Variants in SELENOP observed in about 807,000 individuals in gnomAD.
The protein encoded by SELENOP is selenoprotein P.
In SELENOP, 36 loss-of-function variants were observed where a neutral mutation model predicts 41.0. The ratio of observed to expected loss-of-function variants is 0.88; its 90% CI spans 0.67 to 1.16. The LOEUF (loss-of-function observed/expected upper bound fraction) is 1.16, where lower values mean the gene tolerates loss of function less well. Among genes scored for constraint, SELENOP ranks in the 50% most tolerant of loss-of-function variants. SELENOP has a pLI of 0.00. For missense variants in SELENOP, 440 were observed against 454.2 expected, an observed-to-expected ratio of 0.97 and a Z score of 0.28; for synonymous variants, 144 against 150.8, an observed-to-expected ratio of 0.95 and a Z score of 0.33.
chr5:42,802,666 A>G (rs1760234843), intron 4 of SELENOP, among the ~76,000 whole-genome samples: 1 of 152,208 alleles, frequency 6.6e-6, no homozygotes, highest in Admixed American at 6.5e-5. Flanking sequence ...GCTGGAGTGC[A>G]GTGGCACGAC....
At position 42,800,599 on chromosome 5, in the gene SELENOP, T is replaced by G; in HGVS notation, c.*121A>C. 3.3e-6 allele frequency: 4 copies of G among 1,220,502 alleles called. No homozygotes were observed. Among genetic ancestry groups the G allele is most frequent in the Non-Finnish European group, 4.5e-6 (4 of 889,346 alleles). 75.6% of individuals were successfully genotyped at this position (1,220,502 alleles called of 1,614,324 possible). Reference sequence around the variant, plus strand: ...AAAATCTGGAAGCCAATTCAGTAGATTTCTCCATGTTTGCACAAATCTAAT... The same window carrying G: ...AAAATCTGGAAGCCAATTCAGTAGAGTTCTCCATGTTTGCACAAATCTAAT... On this transcript the variant is annotated 3_prime_UTR_variant, in exon 5 of 5. Coordinates refer to ENST00000514985, the MANE Select transcript of SELENOP (RefSeq NM_005410.4).
chr5:42,807,245 A>G (rs565341575), intron 2 of SELENOP, 137 bp from the exon 3 acceptor site: 3 of 482,928 alleles, frequency 6.2e-6, no homozygotes, highest in African/African-American at 3.8e-5. Flanking sequence ...CCTATTCTTT[A>G]TATTGCTGTA....
chr5:42,811,083 C>G (rs530931280), intron 1 of SELENOP, among the ~76,000 whole-genome samples: 1 of 152,290 alleles, frequency 6.6e-6, no homozygotes, highest in South Asian at 2.1e-4. Context: ...CACTATGTCA[C>G]CACTTTTCAA....
At position 42,800,294 on chromosome 5, in the gene SELENOP, TAGTTA is replaced by T. The variant is rs1337403004; in HGVS notation, c.*421_*425del. ...AAAATACAAAATCCACTTATTTTAT[TAGTTA>T]AAAGTAGAAGATTGAAAAGACAAAG... is the stretch of plus-strand genomic sequence containing the variant. On this transcript the variant is annotated 3_prime_UTR_variant, in exon 5 of 5. Transcript: ENST00000514985. The T allele has an allele frequency of 6.3e-6, 1 of 157,702 alleles. No individual in the cohort carries two copies. The highest frequency in any genetic ancestry group is 1.4e-5 in the Non-Finnish European group (1 of 71,744). The allele number at this position is 157,702 out of a possible 1,614,324, so 9.8% of individuals were successfully genotyped here. A position where few individuals can be genotyped will look rare whatever the true frequency, so the allele number is the denominator to read the frequency against.
Position 42,804,645 on chromosome 5 carries a change from C to A in SELENOP, c.534+11G>T. On this transcript the variant is annotated intron_variant, in intron 4 of 4. Transcript: ENST00000514985. ...CTCTTTTCTCCCCAGAAAAATAATTCAGAAAAATACCGTGAGAGAGCAGTT... is the reference window on the plus strand; with the variant it reads ...CTCTTTTCTCCCCAGAAAAATAATTAAGAAAAATACCGTGAGAGAGCAGTT... 1 of 1,440,792 alleles carries A rather than the reference C, an allele frequency of 6.9e-7. No homozygotes were observed. Among genetic ancestry groups the A allele is most frequent in the Non-Finnish European group, 9.6e-7 (1 of 1,042,058 alleles). The allele number at this position is 1,440,792 out of a possible 1,614,324, so 89.3% of individuals were successfully genotyped here. A position where few individuals can be genotyped will look rare whatever the true frequency, so the allele number is the denominator to read the frequency against.
At chr5:42,802,585 T>C (rs970452744) in intron 4 of SELENOP, among the ~76,000 whole-genome samples, 1 of 152,302 alleles carries the variant, frequency 6.6e-6, no homozygotes, top group Admixed American at 6.5e-5. Flanking sequence ...CAAACACAAA[T>C]ACCTATGGTA....
At chr5:42,810,100 A>C (rs1391354021) in intron 1 of SELENOP, among the ~76,000 whole-genome samples, 1 of 152,186 alleles carries the variant, frequency 6.6e-6, no homozygotes, top group Non-Finnish European at 1.5e-5. Flanking sequence ...GCAGTTGAGA[A>C]AAACCATGGC....
chr5:42,804,727 T>C lies in SELENOP; in HGVS notation c.463A>G (p.Thr155Ala). The C allele has an allele frequency of 1.9e-6, 3 of 1,611,598 alleles. No individual in the cohort carries two copies. The highest frequency in any genetic ancestry group is 2.2e-5 in the South Asian group (2 of 90,848). ...ATGGCTTCTTCTACATATGGGAAAG[T>C]TAGGAAGGAAAAAGGCAAACCAAGA... The part of the protein sequence containing the change: ...YHLGLPFSFL[T>A]FPYVEEAIKI... Residue 155 changes from threonine (T) to alanine (A), a missense_variant, in exon 4 of 5, where the codon ACT (threonine) becomes GCT (alanine). Transcript: ENST00000514985.
rs1258437558 is a variant in SELENOP, at chr5:42,807,105, T to A, written c.207A>T (p.Leu69Phe). The change falls in exon 3 of 5, where the codon TTA becomes TTT. Residue 69 changes from leucine (L) to phenylalanine (F), a missense_variant. Leu to Phe is a conservative substitution (Grantham distance 22). Transcript: ENST00000514985. ...UYLCILQASKLEDLRVKLKKE... is the reference protein window; with the variant it reads ...UYLCILQASKFEDLRVKLKKE... ...TCTTCAGTTTTACTCGCAGGTCTTC[T>A]AATCTAAAATATTTGGGAAGAAATA... 7.2e-7 allele frequency: 1 copy of A among 1,397,106 alleles called. No individual in the cohort carries two copies. The highest frequency in any genetic ancestry group is 1.2e-5 in the South Asian group (1 of 82,180). 86.5% of individuals were successfully genotyped at this position (1,397,106 alleles called of 1,614,324 possible).
At chr5:42,807,329 A>AT (rs1336462701) in intron 2 of SELENOP, 2 of 316,078 alleles carry the variant, frequency 6.3e-6, no homozygotes, top group African/African-American at 2.1e-5. Flanking sequence ...TTAAACAAAC[A>AT]TTGGTTTAGT....
At chr5:42,806,041 A>T (rs1561285009) in intron 3 of SELENOP, 2 of 152,348 alleles carry the variant, frequency 1.3e-5, no homozygotes, top group East Asian at 1.9e-4. Context: ...TTGAGATAAT[A>T]ATTACGGATA....
rs573591297 is a variant in SELENOP at position 42,808,705 on chromosome 5, G to A, written c.-13-339C>T. On this transcript the variant is annotated intron_variant, in intron 1 of 4. Coordinates refer to ENST00000514985, the MANE Select transcript of SELENOP (RefSeq NM_005410.4). ...TGGCAGATCACGATGTCAGGAGATC[G>A]AGACCATCCTGGCTAACACGGTGAA... Among the ~76,000 whole-genome samples the A allele has an allele frequency of 7.3e-5, 11 of 150,554 alleles. No homozygotes were observed. The South Asian group carries it at 8.4e-4, about 12-fold the overall frequency.
chr5:42,808,549 C>G (rs1760389317), intron 1 of SELENOP, 183 bp from the exon 2 acceptor site: 1 of 297,472 alleles, frequency 3.4e-6, no homozygotes, highest in African/African-American at 2.2e-5. Flanking sequence ...ATGTAACATT[C>G]TGCAAACACA....
Position 42,800,606 on chromosome 5 carries a change from A to G in SELENOP, c.*114T>C. On this transcript the variant is annotated 3_prime_UTR_variant, in exon 5 of 5. Coordinates refer to ENST00000514985, the MANE Select transcript of SELENOP (RefSeq NM_005410.4). ...GGAAGCCAATTCAGTAGATTTCTCC[A>G]TGTTTGCACAAATCTAATTTCTATT... 1 of 1,275,430 alleles carries G rather than the reference A, an allele frequency of 7.8e-7. No individual in the cohort carries two copies. Among genetic ancestry groups the G allele is most frequent in the Non-Finnish European group, 1.1e-6 (1 of 935,292 alleles). The allele number at this position is 1,275,430 out of a possible 1,614,324, so 79.0% of individuals were successfully genotyped here.
In SELENOP at chr5:42,801,276, G is replaced by C. The variant is rs773156029; in HGVS notation, c.590C>G (p.Thr197Arg). The C allele has an allele frequency of 6.2e-7, 1 of 1,613,926 alleles. No individual in the cohort carries two copies. The highest frequency in any genetic ancestry group is 8.5e-7 in the Non-Finnish European group (1 of 1,179,976). Reference sequence around the variant, plus strand: ...GTAATGAGGCGATGGAGTTTCAACTGTTTTATCCACAGTAGCCAAAGATAC... The same window carrying C: ...GTAATGAGGCGATGGAGTTTCAACTCTTTTATCCACAGTAGCCAAAGATAC... Reference protein sequence around the residue: ...KRVSLATVDKTVETPSPHYHH... With the variant: ...KRVSLATVDKRVETPSPHYHH... The change falls in exon 5 of 5, where the codon ACA becomes AGA. Residue 197 changes from threonine to arginine, a missense_variant. Physicochemically the swap from Thr to Arg is moderately conservative, Grantham distance 71. Transcript: ENST00000514985.
chr5:42,803,255 T>C (rs1760253315), intron 4 of SELENOP, among the ~76,000 whole-genome samples: 1 of 152,186 alleles, frequency 6.6e-6, no homozygotes. Context: ...TGGGTATATT[T>C]ATAACTAGCA....
At chr5:42,804,573 T>C (rs1013191265) in intron 4 of SELENOP, 83 bp downstream of exon 4, 32 of 732,910 alleles carry the variant, frequency 4.4e-5, no homozygotes, top group Admixed American at 3.3e-4. Context: ...TGCAAAAGCA[T>C]TGAGTTTTCT....
In SELENOP at chr5:42,801,034, G is replaced by T; in HGVS notation, c.832C>A (p.Arg278=). The T allele has an allele frequency of 1.2e-6, 2 of 1,614,124 alleles. No individual in the cohort carries two copies. Among genetic ancestry groups the T allele is most frequent in the Non-Finnish European group, 1.7e-6 (2 of 1,180,012 alleles). The part of the protein sequence containing the change: ...DLQDLQKKLC[R]KRCINQLLCK... ...AGTAATTGATTTATACATCTCTTTC[G>T]ACAGAGCTTCTTTTGTAAATCTTGT... Residue 278 remains arginine (R), a synonymous_variant, in exon 5 of 5, where the codon CGA becomes AGA. Coordinates refer to ENST00000514985, the MANE Select transcript of SELENOP (RefSeq NM_005410.4).
intron 4 of SELENOP, 57 bp downstream of exon 4, chr5:42,804,599 G>T: frequency 1.0e-6 from 1 of 979,318 alleles, no homozygotes; most frequent in Non-Finnish European, 1.6e-6. Context: ...AGTGTTTCAT[G>T]ATAAACTCTT....
Sources: gnomAD v4.1 joint callset for allele counts (sites outside exome capture counted in the v4.1 genomes callset) on GRCh38, gnomAD v4.1.1 for gene constraint, MANE v1.5 for transcripts, NCBI Gene and HGNC (gene_info 2026-07-23, HGNC 2026-07-21) for gene names.